Variants in SLC9B1 observed in about 807,000 individuals in gnomAD.
The protein encoded by SLC9B1 is sodium/hydrogen exchanger 9B1.
Under a neutral mutation model 51.7 loss-of-function variants are expected in SLC9B1, and 32 were observed. The ratio of observed to expected loss-of-function variants is 0.62; its 90% CI spans 0.47 to 0.83. SLC9B1 has a LOEUF of 0.83. SLC9B1 is among the 40% of genes least tolerant of loss of function. The probability of loss-of-function intolerance (pLI) is 0.00; values close to 1 mark genes in which losing one functional copy is unlikely to be tolerated. For missense variants in SLC9B1, 406 were observed against 613.2 expected, an observed-to-expected ratio of 0.66 and a Z score of 3.57; for synonymous variants, 145 against 212.7, an observed-to-expected ratio of 0.68 and a Z score of 2.77.
At chr4:102,946,856 C>CT in intron 4 of SLC9B1, 67 bp from the exon 5 acceptor site, 1 of 1,432,430 alleles carries the variant, frequency 7.0e-7, no homozygotes, top group Non-Finnish European at 9.4e-7. Context: ...GAAATGTTTA[C>CT]TTTCTTTTCT....
At chr4:102,949,816 C>T (rs1737454211) in intron 3 of SLC9B1, among the ~76,000 whole-genome samples, 2 of 151,900 alleles carry the variant, frequency 1.3e-5, no homozygotes, top group Admixed American at 1.3e-4. Flanking sequence ...CAAAAATTAG[C>T]CAGGCGTGGT....
intron 1 of SLC9B1, among the ~76,000 whole-genome samples, chr4:103,019,128 G>A (rs945424479): frequency 3.9e-5 from 6 of 152,206 alleles, no homozygotes; most frequent in Admixed American, 2.6e-4. Context: ...AAGCCAAGAG[G>A]AGTAAACAGG....
At chr4:102,957,782 A>ATGTG (rs199987719) in intron 3 of SLC9B1, among the ~76,000 whole-genome samples, 36 of 146,970 alleles carry the variant, frequency 2.4e-4, no homozygotes, top group East Asian at 9.9e-4. Flanking sequence ...ATGTGTGTAT[A>ATGTG]TGTGTGTGTG....
chr4:102,972,631 T>C (rs941482766), intron 3 of SLC9B1, among the ~76,000 whole-genome samples: 5 of 152,164 alleles, frequency 3.3e-5, no homozygotes, highest in African/African-American at 1.2e-4. Flanking sequence ...GGAGGGAGGA[T>C]TTAATGCAAA....
intron 1 of SLC9B1, among the ~76,000 whole-genome samples, chr4:103,012,782 C>T (rs958127619): frequency 6.6e-6 from 1 of 152,160 alleles, no homozygotes; most frequent in African/African-American, 2.4e-5. Context: ...AAAAGGGTGC[C>T]TTGAACATTG....
At chr4:102,959,505 G>A (rs1291171728) in intron 3 of SLC9B1, among the ~76,000 whole-genome samples, 1 of 151,714 alleles carries the variant, frequency 6.6e-6, no homozygotes, top group Non-Finnish European at 1.5e-5. Flanking sequence ...TCTGGTTATA[G>A]AATTTTTGAC....
chr4:102,925,768 C>G (rs1374398336), intron 7 of SLC9B1, among the ~76,000 whole-genome samples: 5 of 151,448 alleles, frequency 3.3e-5, no homozygotes, highest in African/African-American at 4.9e-5. Flanking sequence ...CATCCTGGTA[C>G]CAAAGCCTGG....
chr4:102,909,591 G>A (rs138202741), intron 9 of SLC9B1, among the ~76,000 whole-genome samples: 2,487 of 152,112 alleles, frequency 0.016, 37 homozygotes, highest in African/African-American at 0.054. Flanking sequence ...TGACAAGAGT[G>A]AAACTGTGTC....
intron 1 of SLC9B1, 62 bp downstream of exon 1, chr4:103,019,537 G>C (rs189327253): frequency 1.0e-6 from 1 of 975,492 alleles, no homozygotes; most frequent in Non-Finnish European, 1.2e-6. Flanking sequence ...AAACGATCGC[G>C]GCAGACCCGG....
chr4:102,991,506 T>C (rs1423245669), intron 2 of SLC9B1, 137 bp downstream of exon 2: 2 of 534,116 alleles, frequency 3.7e-6, no homozygotes, highest in African/African-American at 3.9e-5. Context: ...CCATTACAAC[T>C]AGCTATTTTA....
intron 2 of SLC9B1, 127 bp downstream of exon 2, chr4:102,991,516 A>T: frequency 1.7e-6 from 1 of 583,214 alleles, no homozygotes; most frequent in Non-Finnish European, 2.8e-6. Context: ...TAGCTATTTT[A>T]AAATTTACCA....
chr4:102,900,546 T>C (rs1734737440), downstream of SLC9B1, among the ~76,000 whole-genome samples: 1 of 152,224 alleles, frequency 6.6e-6, no homozygotes, highest in African/African-American at 2.4e-5. Flanking sequence ...TTTAAGGGCA[T>C]GGCAGAAGTA....
At chr4:102,982,683 A>G (rs1739421085) in intron 3 of SLC9B1, among the ~76,000 whole-genome samples, 1 of 152,048 alleles carries the variant, frequency 6.6e-6, no homozygotes, top group African/African-American at 2.4e-5. Flanking sequence ...TTCAAATTCC[A>G]TTTGTTCACT....
At chr4:102,911,272 T>A (rs1265864011) in intron 8 of SLC9B1, among the ~76,000 whole-genome samples, 159 bp downstream of exon 8, 1 of 152,208 alleles carries the variant, frequency 6.6e-6, no homozygotes, top group Non-Finnish European at 1.5e-5. Context: ...TTGACCTGTA[T>A]CAATCACTGC....
At position 102,989,846 on chromosome 4, in the gene SLC9B1, G is replaced by A. The variant is rs779647404; in HGVS notation, c.165C>T (p.Tyr55=). Residue 55 remains tyrosine, a synonymous_variant, in exon 3 of 12, where the codon TAC becomes TAT. Transcript: ENST00000296422. ...ATACTCCTCTTAGAGGACAAGAAAT[G>A]TATGTCTCCTTTTTTGTCTGTGGTT... is the stretch of plus-strand genomic sequence containing the variant. ...EIKPQTKKET[Y]ISCPLRGVLN... 1.9e-6 allele frequency: 3 copies of A among 1,602,440 alleles called. No homozygotes were observed. Among genetic ancestry groups the A allele is most frequent in the Non-Finnish European group, 2.6e-6 (3 of 1,172,294 alleles).
chr4:102,896,095 T>C (rs1336857058), downstream of SLC9B1, among the ~76,000 whole-genome samples: 2 of 152,232 alleles, frequency 1.3e-5, no homozygotes, highest in African/African-American at 4.8e-5. Flanking sequence ...CCCTAGGCTG[T>C]AAAGACCCCA....
intron 3 of SLC9B1, among the ~76,000 whole-genome samples, chr4:102,983,076 T>A (rs1435379970): frequency 6.6e-6 from 1 of 152,092 alleles, no homozygotes; most frequent in African/African-American, 2.4e-5. Flanking sequence ...AGCTTGCTGA[T>A]AGTTTTTTAT....
intron 7 of SLC9B1, among the ~76,000 whole-genome samples, chr4:102,915,857 A>G (rs949063392): frequency 2.2e-4 from 33 of 152,230 alleles, no homozygotes; most frequent in African/African-American, 7.2e-4. Context: ...AGTTGTTGTC[A>G]ATTTAAAATA....
At chr4:102,974,242 GAAAAAAA>G (rs141412944) in intron 3 of SLC9B1, among the ~76,000 whole-genome samples, 1 of 53,446 alleles carries the variant, frequency 1.9e-5, no homozygotes, top group Non-Finnish European at 3.3e-5. Context: ...GTCTAAAATT[GAAAAAAA>G]AAAAAAAAAA....
Sources: gnomAD v4.1 joint callset for allele counts (sites outside exome capture counted in the v4.1 genomes callset) on GRCh38, gnomAD v4.1.1 for gene constraint, MANE v1.5 for transcripts, NCBI Gene and HGNC (gene_info 2026-07-23, HGNC 2026-07-21) for gene names.